Variants in PPFIBP1 observed in about 807,000 individuals in gnomAD.
PPFIBP1 encodes PPFIB scaffold protein 1, also known as liprin-beta-1.
A neutral mutation model predicts 137.8 loss-of-function variants in PPFIBP1; 112 were observed. The ratio of observed to expected loss-of-function variants is 0.81; its 90% CI spans 0.70 to 0.95. PPFIBP1 has a LOEUF of 0.95. Among genes scored for constraint, PPFIBP1 ranks in the 40% least tolerant of loss-of-function variants. The pLI is 0.00. For synonymous variants in PPFIBP1, 378 were observed against 417.3 expected, an observed-to-expected ratio of 0.91 and a Z score of 1.15; for missense variants, 1,083 against 1,196.6, an observed-to-expected ratio of 0.91 and a Z score of 1.40.
intron 1 of PPFIBP1, among the ~76,000 whole-genome samples, chr12:27,565,714 G>A (rs1363894128): frequency 2.0e-5 from 3 of 152,102 alleles, no homozygotes; most frequent in Non-Finnish European, 4.4e-5. Context: ...AGGGGTCTAC[G>A]TTCATTGCTC....
intron 2 of PPFIBP1, among the ~76,000 whole-genome samples, chr12:27,581,584 C>G (rs1159844980): frequency 6.6e-6 from 1 of 152,170 alleles, no homozygotes; most frequent in East Asian, 1.9e-4. Context: ...CCTTTGCGCC[C>G]TTTTCTCTGT....
intron 1 of PPFIBP1, chr12:27,548,404 T>C (rs4931102): frequency 3.3e-5 from 5 of 151,976 alleles, no homozygotes; most frequent in Admixed American, 6.5e-5. Flanking sequence ...ATTTTAGTCA[T>C]AGTCGAGGAT....
intron 2 of PPFIBP1, chr12:27,594,011 A>T: frequency 7.4e-7 from 1 of 1,345,484 alleles, no homozygotes; most frequent in South Asian, 2.7e-5. Context: ...GTCGTCCTCT[A>T]TGTCGCTGTT....
At chr12:27,634,823 G>C (rs1209036655) in intron 3 of PPFIBP1, 87 bp from the exon 4 acceptor site, 2 of 1,039,292 alleles carry the variant, frequency 1.9e-6, no homozygotes, top group Non-Finnish European at 2.9e-6. Flanking sequence ...GTTCCTTACT[G>C]TGACTAGACT....
At chr12:27,640,474 G>T (rs2058037583) in intron 4 of PPFIBP1, among the ~76,000 whole-genome samples, 1 of 152,178 alleles carries the variant, frequency 6.6e-6, no homozygotes, top group African/African-American at 2.4e-5. Context: ...AGGAGCTGGG[G>T]CTTCGCTTTT....
chr12:27,632,212 A>C (rs1169598799), intron 2 of PPFIBP1, among the ~76,000 whole-genome samples: 13 of 152,200 alleles, frequency 8.5e-5, no homozygotes, highest in African/African-American at 1.4e-4. Context: ...GAATGAATGC[A>C]TAATTGGGAA....
At chr12:27,678,439 C>T (rs2060654783) in intron 19 of PPFIBP1, among the ~76,000 whole-genome samples, 1 of 152,148 alleles carries the variant, frequency 6.6e-6, no homozygotes, top group Non-Finnish European at 1.5e-5. Flanking sequence ...TAAAGAATTG[C>T]TTGAACTGGG....
Position 27,679,919 on chromosome 12 carries a change from G to A in PPFIBP1, c.1767-14G>A, listed in dbSNP as rs763137246. Reference sequence around the variant, plus strand: ...CTCAGGTCTAATACTGGCCATGTGTGTTGTCTTCTTTAGACTTAGGAGAAG... The same window carrying A: ...CTCAGGTCTAATACTGGCCATGTGTATTGTCTTCTTTAGACTTAGGAGAAG... On this transcript the variant is annotated splice_polypyrimidine_tract_variant and intron_variant, in intron 20 of 29. Coordinates refer to ENST00000228425, the MANE Select transcript of PPFIBP1 (RefSeq NM_003622.4). The A allele has an allele frequency of 2.4e-5, 39 of 1,613,944 alleles. No homozygotes were observed. Among genetic ancestry groups the A allele is most frequent in the Non-Finnish European group, 3.4e-6 (4 of 1,179,976 alleles).
intron 14 of PPFIBP1, 52 bp downstream of exon 14, chr12:27,671,598 C>G: frequency 8.4e-7 from 1 of 1,186,914 alleles, no homozygotes; most frequent in Non-Finnish European, 1.2e-6. Context: ...GTAGATCAGC[C>G]AAAGACAAGG....
chr12:27,654,668 T>C lies in PPFIBP1; in HGVS notation c.604-54T>C, dbSNP rs1181391848. 3.2e-6 allele frequency: 5 copies of C among 1,578,926 alleles called. No individual in the cohort carries two copies. In the African/African-American group the frequency reaches 5.5e-5, roughly 17 times the overall value. On this transcript the variant is annotated intron_variant, in intron 7 of 29. Coordinates refer to ENST00000228425, the MANE Select transcript of PPFIBP1 (RefSeq NM_003622.4). ...TTTCCAAGCTGCTATTTTATAGGTATAGGTAACTGTGTTACCACTTTCCTA... is the reference window on the plus strand; with the variant it reads ...TTTCCAAGCTGCTATTTTATAGGTACAGGTAACTGTGTTACCACTTTCCTA...
At chr12:27,571,173 C>T (rs143973609) in intron 1 of PPFIBP1, among the ~76,000 whole-genome samples, 2 of 152,188 alleles carry the variant, frequency 1.3e-5, no homozygotes, top group East Asian at 1.9e-4. Context: ...ACTCCTGTAA[C>T]CTGGTTCTGC....
intron 1 of PPFIBP1, among the ~76,000 whole-genome samples, chr12:27,541,597 C>T (rs1196795325): frequency 6.6e-6 from 1 of 152,168 alleles, no homozygotes; most frequent in Non-Finnish European, 1.5e-5. Flanking sequence ...CAGGTTGAGT[C>T]CTGTGGGAGG....
chr12:27,644,103 G>T (rs1438592732), intron 4 of PPFIBP1, among the ~76,000 whole-genome samples: 4 of 152,028 alleles, frequency 2.6e-5, no homozygotes, highest in Non-Finnish European at 5.9e-5. Flanking sequence ...TTAAGACAGA[G>T]TCTTGCTTTG....
chr12:27,602,406 A>G (rs1246558104), intron 2 of PPFIBP1, among the ~76,000 whole-genome samples: 3 of 152,224 alleles, frequency 2.0e-5, no homozygotes, highest in Non-Finnish European at 2.9e-5. Flanking sequence ...TAACACATCT[A>G]TCACCTCACT....
chr12:27,672,413 T>TCTTTA lies in PPFIBP1; in HGVS notation c.1263-12_1263-8dup, dbSNP rs2060258323. Reference sequence around the variant, plus strand: ...CGTGAAGTTAATAAATACCTTTTGTTCTTTACATTTTAGTGATGGAAACAT... The same window carrying TCTTTA: ...CGTGAAGTTAATAAATACCTTTTGTTCTTTACTTTACATTTTAGTGATGGAAACAT... On this transcript the variant is annotated splice_polypyrimidine_tract_variant and intron_variant, in intron 14 of 29. Coordinates refer to ENST00000228425, the MANE Select transcript of PPFIBP1 (RefSeq NM_003622.4). The TCTTTA allele has an allele frequency of 1.3e-6, 2 of 1,597,922 alleles. No homozygotes were observed.
intron 1 of PPFIBP1, among the ~76,000 whole-genome samples, chr12:27,570,777 G>T (rs2050076768): frequency 6.6e-6 from 1 of 152,096 alleles, no homozygotes; most frequent in Admixed American, 6.5e-5. Context: ...GCCGGTTGTG[G>T]TGGCGGGCGC....
chr12:27,553,960 AC>A (rs1386907970), intron 1 of PPFIBP1, among the ~76,000 whole-genome samples: 1 of 152,062 alleles, frequency 6.6e-6, no homozygotes, highest in African/African-American at 2.4e-5. Context: ...CCTTGGGTAA[AC>A]CTGCTGTCTC....
rs1466422093 is a variant in PPFIBP1 at position 27,688,977 on chromosome 12, G to A, written c.2497-38G>A. Reference sequence around the variant, plus strand: ...ACAATACAAACATGTATGATTTGTGGTGACTTTTGACAAGCTTTTTTTTTT... The same window carrying A: ...ACAATACAAACATGTATGATTTGTGATGACTTTTGACAAGCTTTTTTTTTT... On this transcript the variant is annotated intron_variant, in intron 26 of 29. Transcript: ENST00000228425. 1.5e-5 allele frequency: 23 copies of A among 1,576,376 alleles called. No individual in the cohort carries two copies. In the Admixed American group the frequency reaches 4.3e-4, roughly 30 times the overall value.
intron 27 of PPFIBP1, among the ~76,000 whole-genome samples, chr12:27,691,271 G>T (rs1341575190): frequency 2.6e-5 from 4 of 151,708 alleles, no homozygotes; most frequent in African/African-American, 9.7e-5. Flanking sequence ...ATTGCATTAA[G>T]TCCTGTCTAA....
Sources: allele counts gnomAD v4.1 joint callset (sites outside exome capture counted in the v4.1 genomes callset), GRCh38; gene constraint gnomAD v4.1.1; transcripts MANE v1.5; gene names NCBI Gene and HGNC (gene_info 2026-07-23, HGNC 2026-07-21).